The following ADAMTS3 variants were observed in gnomAD, a reference collection of about 807,000 sequenced individuals.
ADAMTS3 encodes A disintegrin and metalloproteinase with thrombospondin motifs 3.
Under a neutral mutation model 129.0 loss-of-function variants are expected in ADAMTS3, and 73 were observed. The ratio of observed to expected loss-of-function variants is 0.57; its 90% CI spans 0.47 to 0.69. ADAMTS3 has a LOEUF of 0.69. Among genes scored for constraint, ADAMTS3 ranks in the 30% least tolerant of loss-of-function variants. The pLI is 0.00. For synonymous variants in ADAMTS3, 477 were observed against 510.8 expected (o/e 0.93, Z 0.89); for missense variants, 1,457 against 1,514.5 (o/e 0.96, Z 0.63).
chr4:72,412,073 A>G (rs1332051243), intron 4 of ADAMTS3, among the ~76,000 whole-genome samples: 1 of 152,132 alleles, frequency 6.6e-6, no homozygotes, highest in African/African-American at 2.4e-5. Flanking sequence ...AAAATAGGGC[A>G]GAATATTACA....
At chr4:72,526,461 T>A (rs1419368621) in intron 3 of ADAMTS3, among the ~76,000 whole-genome samples, 1 of 151,796 alleles carries the variant, frequency 6.6e-6, no homozygotes, top group Non-Finnish European at 1.5e-5. Flanking sequence ...ATTGCCTGAT[T>A]GCAAATCCTT....
chr4:72,345,317 T>G (rs1005244501), intron 4 of ADAMTS3, among the ~76,000 whole-genome samples: 6 of 152,122 alleles, frequency 3.9e-5, no homozygotes, highest in Non-Finnish European at 8.8e-5. Flanking sequence ...AAGTGTAAAT[T>G]CCAACAAATG....
chr4:72,284,279 TA>T (rs1420232067), intron 21 of ADAMTS3, among the ~76,000 whole-genome samples: 1 of 151,954 alleles, frequency 6.6e-6, no homozygotes, highest in Non-Finnish European at 1.5e-5. Flanking sequence ...CCGTCTCTAC[TA>T]AAAATACAAA....
chr4:72,363,597 T>C (rs887401010), intron 4 of ADAMTS3, among the ~76,000 whole-genome samples: 6 of 152,158 alleles, frequency 3.9e-5, no homozygotes, highest in African/African-American at 1.4e-4. Context: ...GTTTGTTTTG[T>C]TTTCAAAGAT....
At chr4:72,487,432 TG>T (rs917772248) in intron 3 of ADAMTS3, among the ~76,000 whole-genome samples, 3 of 151,790 alleles carry the variant, frequency 2.0e-5, no homozygotes, top group African/African-American at 7.3e-5. Context: ...TAGATGAGAG[TG>T]AAGGAGTCAA....
intron 3 of ADAMTS3, among the ~76,000 whole-genome samples, chr4:72,475,628 C>T (rs147840964): frequency 3.6e-3 from 550 of 151,872 alleles, no homozygotes; most frequent in Middle Eastern, 0.014. Flanking sequence ...AGAATATAGA[C>T]GAACTCAACA....
chr4:72,312,586 A>C, intron 12 of ADAMTS3, 120 bp from the exon 13 acceptor site: 1 of 844,602 alleles, frequency 1.2e-6, no homozygotes, highest in Non-Finnish European at 1.8e-6. Context: ...AAAGTGAATG[A>C]ACTCATACTT....
intron 3 of ADAMTS3, among the ~76,000 whole-genome samples, chr4:72,515,850 A>G (rs1720457256): frequency 1.3e-5 from 2 of 151,984 alleles, no homozygotes; most frequent in Admixed American, 6.6e-5. Flanking sequence ...GTTAGATCCC[A>G]TTTGTCAATT....
intron 3 of ADAMTS3, among the ~76,000 whole-genome samples, chr4:72,492,936 A>G (rs1052483637): frequency 2.0e-5 from 3 of 151,908 alleles, no homozygotes; most frequent in Admixed American, 6.6e-5. Flanking sequence ...TATAACTGTT[A>G]TAACTTACTG....
rs532650676 is a variant in ADAMTS3 at position 72,326,904 on chromosome 4, T to G, written c.862-3807A>C. Among the ~76,000 whole-genome samples, 28 of 152,242 alleles carry G rather than the reference T, an allele frequency of 1.8e-4. 1 individual carries two copies. Among genetic ancestry groups the G allele is most frequent in the African/African-American group, 6.0e-4 (25 of 41,538 alleles). ...AAAAGCTATTTCCAGCAGATGGCAGTATGCATGCTTCAGAGGGGCAAAGGA... is the reference window on the plus strand; with the variant it reads ...AAAAGCTATTTCCAGCAGATGGCAGGATGCATGCTTCAGAGGGGCAAAGGA... On this transcript the variant is annotated intron_variant, in intron 5 of 21. Transcript: ENST00000286657.
chr4:72,550,777 G>A (rs1721626402), intron 2 of ADAMTS3, among the ~76,000 whole-genome samples: 1 of 152,132 alleles, frequency 6.6e-6, no homozygotes, highest in South Asian at 2.1e-4. Context: ...GAGCACAAGT[G>A]TCACGGGTGC....
At chr4:72,416,627 T>A (rs1371941211) in intron 3 of ADAMTS3, among the ~76,000 whole-genome samples, 2 of 152,208 alleles carry the variant, frequency 1.3e-5, no homozygotes, top group Non-Finnish European at 2.9e-5. Flanking sequence ...CTTAGTCATG[T>A]ACTATGAAAT....
At chr4:72,417,141 C>G (rs953600136) in intron 3 of ADAMTS3, among the ~76,000 whole-genome samples, 6 of 152,202 alleles carry the variant, frequency 3.9e-5, no homozygotes, top group African/African-American at 1.4e-4. Flanking sequence ...CGCCCATCCT[C>G]CTAAGTCCAC....
rs1441105403 is a variant in ADAMTS3, at chr4:72,550,021, A to G, written c.98-1137T>C. On this transcript the variant is annotated intron_variant, in intron 2 of 21. Coordinates refer to ENST00000286657, the MANE Select transcript of ADAMTS3 (RefSeq NM_014243.3). Reference sequence around the variant, plus strand: ...AAGAGGAAGAAGAAGAAGAAGAAGAAGAAGAAGAAGAAGAAGAAGAAGAGG... The same window carrying G: ...AAGAGGAAGAAGAAGAAGAAGAAGAGGAAGAAGAAGAAGAAGAAGAAGAGG... Among the ~76,000 whole-genome samples the G allele has an allele frequency of 3.5e-3, 23 of 6,570 alleles. 3 individuals are homozygous for G. In the East Asian group the frequency reaches 0.15, roughly 44 times the overall value. The allele number at this position is 6,570 out of a possible 152,430, so 4.3% of individuals were successfully genotyped here.
intron 3 of ADAMTS3, among the ~76,000 whole-genome samples, chr4:72,485,084 G>C (rs1248651318): frequency 1.3e-5 from 2 of 152,076 alleles, no homozygotes; most frequent in African/African-American, 4.8e-5. Flanking sequence ...TTATACTTCT[G>C]ATTATTTCTG....
At chr4:72,509,370 G>A (rs1720251548) in intron 3 of ADAMTS3, among the ~76,000 whole-genome samples, 1 of 151,638 alleles carries the variant, frequency 6.6e-6, no homozygotes, top group Admixed American at 6.6e-5. Flanking sequence ...CAAAATGAAT[G>A]AATCTTTAGC....
At chr4:72,515,594 G>A (rs993835092) in intron 3 of ADAMTS3, among the ~76,000 whole-genome samples, 2 of 150,186 alleles carry the variant, frequency 1.3e-5, no homozygotes, top group African/African-American at 4.9e-5. Context: ...CAGTGATGAT[G>A]AGCATTTTTT....
At chr4:72,517,852 T>C (rs1720537684) in intron 3 of ADAMTS3, among the ~76,000 whole-genome samples, 1 of 151,634 alleles carries the variant, frequency 6.6e-6, no homozygotes, top group African/African-American at 2.4e-5. Context: ...TCTGCTCTGA[T>C]CTTAGTTATT....
intron 3 of ADAMTS3, among the ~76,000 whole-genome samples, chr4:72,491,181 T>C (rs902378859): frequency 1.5e-4 from 23 of 151,852 alleles, no homozygotes; most frequent in African/African-American, 5.3e-4. Flanking sequence ...TTATGCAACC[T>C]TACTGAATTC....
Sources: allele counts gnomAD v4.1 joint callset (sites outside exome capture counted in the v4.1 genomes callset), GRCh38; gene constraint gnomAD v4.1.1; transcripts MANE v1.5; gene names NCBI Gene and HGNC (gene_info 2026-07-23, HGNC 2026-07-21).